Variants in ADIPOR2 observed in about 807,000 individuals in gnomAD.
The protein encoded by ADIPOR2 is adiponectin receptor 2.
ADIPOR2 carries 18 observed loss-of-function variants against 40.9 expected under a neutral mutation model. The observed-to-expected ratio is 0.44, with a 90% CI of 0.30 to 0.65. The LOEUF is 0.65. Ranked by LOEUF, ADIPOR2 falls within the 30% of genes least tolerant of loss-of-function variation. The pLI, the probability that ADIPOR2 is intolerant of heterozygous loss-of-function variation, is 0.09. For synonymous variants in ADIPOR2, 165 were observed against 166.4 expected (o/e 0.99, Z 0.06); for missense variants, 283 against 479.2 (o/e 0.59, Z 3.82).
At chr12:1,706,188 A>G (rs1313628593) in intron 1 of ADIPOR2, among the ~76,000 whole-genome samples, 1 of 59,126 alleles carries the variant, frequency 1.7e-5, no homozygotes, top group Non-Finnish European at 4.3e-5. Context: ...CCTTAGGGAG[A>G]TTATCCAGAA....
At chr12:1,732,707 CTT>C (rs959834629) in intron 1 of ADIPOR2, among the ~76,000 whole-genome samples, 2 of 151,948 alleles carry the variant, frequency 1.3e-5, no homozygotes, top group African/African-American at 4.8e-5. Context: ...TATGCATACA[CTT>C]TTATATAGTT....
chr12:1,768,006 G>A (rs190253621), intron 2 of ADIPOR2, among the ~76,000 whole-genome samples: 5 of 152,264 alleles, frequency 3.3e-5, no homozygotes, highest in East Asian at 1.9e-4. Context: ...AAGAATTTCC[G>A]AGAACAAATA....
At chr12:1,771,137 A>G (rs1480619682) in intron 2 of ADIPOR2, among the ~76,000 whole-genome samples, 1 of 152,036 alleles carries the variant, frequency 6.6e-6, no homozygotes, top group Non-Finnish European at 1.5e-5. Flanking sequence ...AGCCTGAGCA[A>G]CACAGACCTC....
intron 6 of ADIPOR2, among the ~76,000 whole-genome samples, chr12:1,782,441 AGGCAGG>A (rs1242371987): frequency 1.3e-5 from 2 of 152,210 alleles, no homozygotes; most frequent in African/African-American, 4.8e-5. Flanking sequence ...TTACTGGCAG[AGGCAGG>A]GAGCTCCTGT....
At chr12:1,763,871 T>A (rs1862320836) in intron 2 of ADIPOR2, among the ~76,000 whole-genome samples, 1 of 152,110 alleles carries the variant, frequency 6.6e-6, no homozygotes. Flanking sequence ...CCCAGCTACT[T>A]GGGAGGCTGA....
At chr12:1,742,765 A>G (rs1022289030) in intron 1 of ADIPOR2, among the ~76,000 whole-genome samples, 4 of 152,250 alleles carry the variant, frequency 2.6e-5, no homozygotes, top group African/African-American at 7.2e-5. Flanking sequence ...CATGTTCAGA[A>G]TAGATGTAAT....
At chr12:1,719,155 A>T in intron 1 of ADIPOR2, among the ~76,000 whole-genome samples, 1 of 151,488 alleles carries the variant, frequency 6.6e-6, no homozygotes. Flanking sequence ...ATGCTTTTTC[A>T]GTTTTTTTTT....
intron 1 of ADIPOR2, among the ~76,000 whole-genome samples, chr12:1,749,837 T>TG (rs942025544): frequency 5.4e-5 from 8 of 149,474 alleles, no homozygotes; most frequent in African/African-American, 1.5e-4. Context: ...GTTTAGTTTT[T>TG]TTTTTTTTTT....
chr12:1,777,896 C>G lies in ADIPOR2; in HGVS notation c.334C>G (p.Pro112Ala). 6.2e-7 allele frequency: 1 copy of G among 1,613,992 alleles called. No individual in the cohort carries two copies. Among genetic ancestry groups the G allele is most frequent in the Non-Finnish European group, 8.5e-7 (1 of 1,179,960 alleles). The change falls in exon 4 of 8, where the codon CCA becomes GCA. Residue 112 changes from proline to alanine, a missense_variant. Transcript: ENST00000357103. Reference protein sequence around the residue: ...RWRVIPHDVLPDWLKDNDFLL... With the variant: ...RWRVIPHDVLADWLKDNDFLL... ...GCGAGTGATCCCTCATGATGTACTA[C>G]CAGACTGGCTCAAGGATAATGACTT...
chr12:1,722,718 T>C (rs774272803), intron 1 of ADIPOR2, among the ~76,000 whole-genome samples: 102 of 152,310 alleles, frequency 6.7e-4, no homozygotes, highest in Non-Finnish European at 1.3e-3. Flanking sequence ...GATACAGTTA[T>C]TATTTGAGTG....
intron 1 of ADIPOR2, among the ~76,000 whole-genome samples, chr12:1,750,254 T>G (rs2094766127): frequency 1.3e-5 from 2 of 152,086 alleles, no homozygotes; most frequent in African/African-American, 4.8e-5. Context: ...TGTTTATTGT[T>G]AATATATAGA....
At chr12:1,700,115 G>A (rs1351929581) in intron 1 of ADIPOR2, among the ~76,000 whole-genome samples, 1 of 152,172 alleles carries the variant, frequency 6.6e-6, no homozygotes, top group Non-Finnish European at 1.5e-5. Context: ...TGGATTTATT[G>A]AATATAAGAA....
Position 1,785,841 on chromosome 12 carries a change from C to T in ADIPOR2, c.1033-103C>T, listed in dbSNP as rs1234595810. 3 of 1,438,378 alleles carry T rather than the reference C, an allele frequency of 2.1e-6. No individual in the cohort carries two copies. The African/African-American group carries it at 4.3e-5, about 20-fold the overall frequency. 89.1% of individuals were successfully genotyped at this position (1,438,378 alleles called of 1,614,324 possible). ...GAGCTCTGTCACATCCATTCCCTGC[C>T]TTCTGCTCAGCATAAACCAGGATTA... is the stretch of plus-strand genomic sequence containing the variant. On this transcript the variant is annotated intron_variant, in intron 7 of 7. Transcript: ENST00000357103.
At chr12:1,737,638 C>T (rs996278662) in intron 1 of ADIPOR2, among the ~76,000 whole-genome samples, 1 of 151,996 alleles carries the variant, frequency 6.6e-6, no homozygotes, top group East Asian at 1.9e-4. Context: ...GCTGGAGTGC[C>T]GTGGTGTGAT....
At chr12:1,726,854 C>A (rs546662710) in intron 1 of ADIPOR2, among the ~76,000 whole-genome samples, 1 of 152,082 alleles carries the variant, frequency 6.6e-6, no homozygotes, top group Non-Finnish European at 1.5e-5. Context: ...ATTATTGTTC[C>A]GCTTTGAATT....
chr12:1,728,460 C>T (rs1054164273), intron 1 of ADIPOR2, among the ~76,000 whole-genome samples: 2 of 151,650 alleles, frequency 1.3e-5, no homozygotes, highest in African/African-American at 2.4e-5. Context: ...CAGTGGCTCA[C>T]GCCTGTGATC....
At chr12:1,718,268 T>C (rs550816715) in intron 1 of ADIPOR2, among the ~76,000 whole-genome samples, 1 of 152,256 alleles carries the variant, frequency 6.6e-6, no homozygotes, top group Admixed American at 6.5e-5. Flanking sequence ...TCTGAATGCA[T>C]TCGAGATATT....
chr12:1,703,876 ATTAAT>A (rs1322352264), intron 1 of ADIPOR2, among the ~76,000 whole-genome samples: 1 of 151,982 alleles, frequency 6.6e-6, no homozygotes, highest in Non-Finnish European at 1.5e-5. Context: ...ACCACACATG[ATTAAT>A]TTAATTTAGT....
chr12:1,718,926 G>T (rs935077238), intron 1 of ADIPOR2, among the ~76,000 whole-genome samples: 1 of 152,192 alleles, frequency 6.6e-6, no homozygotes, highest in Non-Finnish European at 1.5e-5. Flanking sequence ...GATACAACAT[G>T]TTGCCTACCT....
Sources: allele counts gnomAD v4.1 joint callset (sites outside exome capture counted in the v4.1 genomes callset), GRCh38; gene constraint gnomAD v4.1.1; transcripts MANE v1.5; gene names NCBI Gene and HGNC (gene_info 2026-07-23, HGNC 2026-07-21).